GNAT3: variants seen among roughly 807,000 people sequenced by gnomAD.
GNAT3 encodes the protein guanine nucleotide-binding protein G(t) subunit alpha-3.
Under a neutral mutation model 37.7 loss-of-function variants are expected in GNAT3, and 31 were observed. The ratio of observed to expected loss-of-function variants is 0.82; its 90% CI spans 0.62 to 1.11. The LOEUF (loss-of-function observed/expected upper bound fraction) is 1.11. GNAT3 is among the 50% of genes most tolerant of loss of function. The probability of loss-of-function intolerance (pLI) is 0.00; values close to 1 mark genes in which losing one functional copy is unlikely to be tolerated. For missense variants in GNAT3, 437 were observed against 412.5 expected, an observed-to-expected ratio of 1.06 and a Z score of -0.51; for synonymous variants, 138 against 139.8, an observed-to-expected ratio of 0.99 and a Z score of 0.09.
chr7:80,464,941 G>A (rs1335991343), intron 5 of GNAT3, among the ~76,000 whole-genome samples: 2 of 152,042 alleles, frequency 1.3e-5, no homozygotes, highest in Non-Finnish European at 2.9e-5. Flanking sequence ...TAAATTTGGT[G>A]TGTATAAAGA....
intron 5 of GNAT3, among the ~76,000 whole-genome samples, chr7:80,463,006 C>G (rs1296344916): frequency 6.6e-6 from 1 of 152,052 alleles, no homozygotes; most frequent in East Asian, 1.9e-4. Context: ...TACTGTAGTT[C>G]TGATGTTATG....
intron 2 of GNAT3, among the ~76,000 whole-genome samples, chr7:80,493,489 T>A (rs1030421398): frequency 1.3e-5 from 2 of 152,186 alleles, no homozygotes; most frequent in Non-Finnish European, 2.9e-5. Flanking sequence ...CCAATTTCAT[T>A]ATTGACTGGC....
rs1438616514 is a variant in GNAT3, at chr7:80,458,838, C to T, written c.898G>A (p.Gly300Arg). The T allele has an allele frequency of 1.8e-5, 28 of 1,584,768 alleles. No individual in the cohort carries two copies. The highest frequency in any genetic ancestry group is 2.0e-5 in the Non-Finnish European group (23 of 1,167,772). Reference sequence around the variant, plus strand: ...AGAAACTGGTTCTTGATGTAGTTTCCTGCATCTTCAAATGTATTTGGCCCT... The same window carrying T: ...AGAAACTGGTTCTTGATGTAGTTTCTTGCATCTTCAAATGTATTTGGCCCT... ...YTGPNTFEDA[G>R]NYIKNQFLDL... The change falls in exon 8 of 8, where the codon GGA becomes AGA. Residue 300 changes from glycine to arginine, a missense_variant. By Grantham distance (125) the Gly-to-Arg change is moderately radical. Transcript: ENST00000398291.
chr7:80,468,148 G>A (rs183777909), intron 5 of GNAT3, among the ~76,000 whole-genome samples: 1 of 151,936 alleles, frequency 6.6e-6, no homozygotes, highest in Admixed American at 6.6e-5. Context: ...GAGTTTTACG[G>A]CTTTATATTA....
chr7:80,474,209 T>C (rs759940100), intron 5 of GNAT3, 42 bp downstream of exon 5: 3 of 1,579,670 alleles, frequency 1.9e-6, no homozygotes, highest in Non-Finnish European at 2.6e-6. Context: ...TTAAGCCTGA[T>C]GCATACTTCT....
chr7:80,486,610 A>G (rs1165399684), intron 3 of GNAT3: 1 of 83,344 alleles, frequency 1.2e-5, no homozygotes, highest in South Asian at 5.1e-4. Flanking sequence ...ATGCCTAGCT[A>G]TTTTTTTTTC....
At chr7:80,497,785 G>T (rs1278899559) in intron 1 of GNAT3, among the ~76,000 whole-genome samples, 1 of 151,678 alleles carries the variant, frequency 6.6e-6, no homozygotes, top group Non-Finnish European at 1.5e-5. Context: ...GTTTAATGTT[G>T]TATTTTGTTC....
intron 2 of GNAT3, among the ~76,000 whole-genome samples, chr7:80,489,903 T>A (rs1790559082): frequency 6.6e-6 from 1 of 152,146 alleles, no homozygotes; most frequent in Non-Finnish European, 1.5e-5. Flanking sequence ...GTTATCTTCA[T>A]GAAACAAGTT....
rs1314938115 is a variant in GNAT3 at position 80,494,627 on chromosome 7, T to G, written c.139A>C (p.Ser47Arg). The change falls in exon 2 of 8, where the codon AGT becomes CGT. Residue 47 changes from serine to arginine, a missense_variant. By Grantham distance (110) the Ser-to-Arg change is moderately radical. Transcript: ENST00000398291. ...TACTTCATTTGTTTAACAATAGTAC[T>G]TTTCCCAGATTCTCCTGCTCCTGCA... ...LLLGAGESGK[S>R]TIVKQMKIIH... The G allele has an allele frequency of 1.3e-6, 2 of 1,530,356 alleles. No homozygotes were observed. Among genetic ancestry groups the G allele is most frequent in the South Asian group, 1.2e-5 (1 of 84,610 alleles). 94.8% of individuals were successfully genotyped at this position (1,530,356 alleles called of 1,614,324 possible). A position where few individuals can be genotyped will look rare whatever the true frequency, so the allele number is the denominator to read the frequency against.
rs1562733021 is a variant in GNAT3 at position 80,497,647 on chromosome 7, TACGTATATACATATACGTATATACATAC to T, written c.119-3028_119-3001del. On this transcript the variant is annotated intron_variant, in intron 1 of 7. Coordinates refer to ENST00000398291, the MANE Select transcript of GNAT3 (RefSeq NM_001102386.3). ...GTATATACATATACGTATATACATA[TACGTATATACATATACGTATATACATAC>T]ATATATACACACACACTGTCTTAAA... 7.0e-4 allele frequency among the ~76,000 whole-genome samples: 78 copies of T among 110,648 alleles called. 1 individual carries two copies. Among genetic ancestry groups the T allele is most frequent in the Non-Finnish European group, 8.4e-4 (47 of 55,874 alleles). The allele number at this position is 110,648 out of a possible 152,430, so 72.6% of individuals were successfully genotyped here. A position where few individuals can be genotyped will look rare whatever the true frequency, so the allele number is the denominator to read the frequency against.
chr7:80,493,516 T>C (rs1790634236), intron 2 of GNAT3, among the ~76,000 whole-genome samples: 1 of 152,204 alleles, frequency 6.6e-6, no homozygotes, highest in African/African-American at 2.4e-5. Context: ...CACTCCCTTA[T>C]AAAATATGGC....
Position 80,462,517 on chromosome 7 carries a change from C to T in GNAT3, c.705G>A (p.Val235=). The T allele has an allele frequency of 1.2e-6, 2 of 1,613,368 alleles. No individual in the cohort carries two copies. The highest frequency in any genetic ancestry group is 1.7e-6 in the Non-Finnish European group (2 of 1,179,698). ...TTAGACTTACCACTTCTTCGTCTTCCACGAGGACCATGTCATAGGCACTAA... is the reference window on the plus strand; with the variant it reads ...TTAGACTTACCACTTCTTCGTCTTCTACGAGGACCATGTCATAGGCACTAA... ...AALSAYDMVL[V]EDEEVNRMHE... The change falls in exon 6 of 8, where the codon GTG becomes GTA. Residue 235 remains valine, a synonymous_variant. Coordinates refer to ENST00000398291, the MANE Select transcript of GNAT3 (RefSeq NM_001102386.3).
chr7:80,462,369 T>C (rs1790064925), intron 6 of GNAT3, 57 bp from the exon 7 acceptor site: 1 of 1,566,860 alleles, frequency 6.4e-7, no homozygotes, highest in Non-Finnish European at 8.8e-7. Context: ...ATGTGAATGT[T>C]GAGCATCATG....
intron 1 of GNAT3, among the ~76,000 whole-genome samples, chr7:80,497,909 T>C (rs902823004): frequency 6.6e-6 from 1 of 152,108 alleles, no homozygotes; most frequent in Non-Finnish European, 1.5e-5. Flanking sequence ...TAGACCACTT[T>C]CTTTTAAATG....
chr7:80,512,037 A>T lies in GNAT3; in HGVS notation c.-111T>A, dbSNP rs1006630051. 109 of 677,616 alleles carry T rather than the reference A, an allele frequency of 1.6e-4. 2 individuals are homozygous for T. In the South Asian group the frequency reaches 1.9e-3, roughly 12 times the overall value. The allele number at this position is 677,616 out of a possible 1,614,324, so 42.0% of individuals were successfully genotyped here. A position where few individuals can be genotyped will look rare whatever the true frequency, so the allele number is the denominator to read the frequency against. The stretch of plus-strand genomic sequence containing the variant: ...GTAATGCTCTGCTGAAGTACCTAGC[A>T]GTCCATTCCCTAATGCTCTAAGATT... On this transcript the variant is annotated 5_prime_UTR_variant, in exon 1 of 8. Coordinates refer to ENST00000398291, the MANE Select transcript of GNAT3 (RefSeq NM_001102386.3).
intron 1 of GNAT3, among the ~76,000 whole-genome samples, chr7:80,498,135 G>A (rs1790768850): frequency 6.6e-6 from 1 of 152,100 alleles, no homozygotes; most frequent in Non-Finnish European, 1.5e-5. Flanking sequence ...TTTAGACTGT[G>A]TCAGTTAATG....
chr7:80,460,780 A>C (rs1260157763), intron 7 of GNAT3, among the ~76,000 whole-genome samples: 1 of 152,048 alleles, frequency 6.6e-6, no homozygotes, highest in Non-Finnish European at 1.5e-5. Context: ...TTAGTTAATA[A>C]TGTAAAATGT....
intron 5 of GNAT3, among the ~76,000 whole-genome samples, chr7:80,472,122 T>C (rs1480057118): frequency 6.6e-6 from 1 of 152,070 alleles, no homozygotes; most frequent in African/African-American, 2.4e-5. Flanking sequence ...GGCAATCTCA[T>C]ATATTGATAA....
chr7:80,490,399 T>C (rs2116195690), intron 2 of GNAT3, among the ~76,000 whole-genome samples: 1 of 152,234 alleles, frequency 6.6e-6, no homozygotes, highest in Admixed American at 6.5e-5. Flanking sequence ...AGGCAGAGCA[T>C]ATAAAGAGAT....
Sources: allele counts gnomAD v4.1 joint callset (sites outside exome capture counted in the v4.1 genomes callset), GRCh38; gene constraint gnomAD v4.1.1; transcripts MANE v1.5; gene names NCBI Gene and HGNC (gene_info 2026-07-23, HGNC 2026-07-21).